Variants in CSMD1 observed in about 807,000 individuals in gnomAD.
CSMD1 encodes CUB and Sushi multiple domains 1, also known as CUB and sushi domain-containing protein 1.
A neutral mutation model predicts 417.5 loss-of-function variants in CSMD1; 213 were observed. The observed-to-expected ratio is 0.51, with a 90% confidence interval of 0.46 to 0.57. CSMD1 has a LOEUF of 0.57. CSMD1 is among the 20% of genes least tolerant of loss of function. The pLI is 0.00. For missense variants in CSMD1, 6,923 were observed against 4,529.7 expected (o/e 1.53, Z -15.17); for synonymous variants, 2,862 against 1,736.8 (o/e 1.65, Z -16.11).
intron 25 of CSMD1, among the ~76,000 whole-genome samples, chr8:3,300,003 G>A (rs1044113462): frequency 6.6e-6 from 1 of 152,126 alleles, no homozygotes; most frequent in Non-Finnish European, 1.5e-5. Context: ...TGCCCTGGAG[G>A]TGACACACGG....
chr8:2,977,314 T>C (rs1446791651), intron 55 of CSMD1, among the ~76,000 whole-genome samples: 1 of 152,158 alleles, frequency 6.6e-6, no homozygotes, highest in Non-Finnish European at 1.5e-5. Flanking sequence ...CCTGTGTCTA[T>C]GTGTTCAGCT....
At chr8:3,829,058 G>A (rs1009816415) in intron 5 of CSMD1, among the ~76,000 whole-genome samples, 1 of 151,722 alleles carries the variant, frequency 6.6e-6, no homozygotes, top group Non-Finnish European at 1.5e-5. Flanking sequence ...AAGTTACTGG[G>A]GTATAGGTGG....
At chr8:3,403,995 T>C (rs1161505886) in intron 15 of CSMD1, among the ~76,000 whole-genome samples, 2 of 152,158 alleles carry the variant, frequency 1.3e-5, no homozygotes, top group Non-Finnish European at 2.9e-5. Flanking sequence ...GTGCTTCTTG[T>C]CCACCCACAA....
At chr8:3,228,342 A>G (rs1798636971) in intron 27 of CSMD1, among the ~76,000 whole-genome samples, 1 of 152,266 alleles carries the variant, frequency 6.6e-6, no homozygotes, top group African/African-American at 2.4e-5. Flanking sequence ...TACAGAGGAC[A>G]TAAACCTCAT....
intron 3 of CSMD1, among the ~76,000 whole-genome samples, chr8:4,163,291 T>A (rs1714739): frequency 1.3e-5 from 2 of 152,028 alleles, no homozygotes. Context: ...GTATGTTTAG[T>A]TTTCTAAGAA....
intron 41 of CSMD1, among the ~76,000 whole-genome samples, chr8:3,122,754 A>C (rs9987130): frequency 0.28 from 40,541 of 145,496 alleles, 7,543 homozygotes; most frequent in African/African-American, 0.61. Context: ...AGCTCCCCCG[A>C]CCCCAGCCAT....
intron 1 of CSMD1, among the ~76,000 whole-genome samples, chr8:4,778,759 A>G (rs1167536996): frequency 2.6e-5 from 4 of 152,198 alleles, no homozygotes; most frequent in East Asian, 1.9e-4. Flanking sequence ...AAGCTCTCAT[A>G]GTGGTTTGTT....
chr8:4,690,297 T>C (rs1806685022), intron 1 of CSMD1, among the ~76,000 whole-genome samples: 1 of 152,196 alleles, frequency 6.6e-6, no homozygotes, highest in South Asian at 2.1e-4. Context: ...CCTAACAGTT[T>C]AGTGACTAAT....
intron 26 of CSMD1, among the ~76,000 whole-genome samples, chr8:3,259,997 G>C (rs1800936136): frequency 6.6e-6 from 1 of 152,138 alleles, no homozygotes; most frequent in South Asian, 2.1e-4. Flanking sequence ...GACCTGCAAA[G>C]CCTAAAATAG....
intron 2 of CSMD1, among the ~76,000 whole-genome samples, chr8:4,502,572 A>G (rs536384487): frequency 6.6e-6 from 1 of 152,228 alleles, no homozygotes; most frequent in Admixed American, 6.5e-5. Context: ...CAGACAAAAA[A>G]CTTGTTTAAC....
chr8:3,693,461 T>TTGA (rs1484449065), intron 7 of CSMD1, among the ~76,000 whole-genome samples: 1 of 151,714 alleles, frequency 6.6e-6, no homozygotes, highest in East Asian at 1.9e-4. Flanking sequence ...ATACGAGGAG[T>TTGA]TGATACTGAA....
At chr8:3,175,163 G>C (rs964755474) in intron 37 of CSMD1, among the ~76,000 whole-genome samples, 1 of 152,064 alleles carries the variant, frequency 6.6e-6, no homozygotes, top group Non-Finnish European at 1.5e-5. Flanking sequence ...AAAATCATTT[G>C]ACTAAAGAAA....
At chr8:3,628,437 G>C (rs916436380) in intron 7 of CSMD1, among the ~76,000 whole-genome samples, 3 of 152,184 alleles carry the variant, frequency 2.0e-5, no homozygotes, top group East Asian at 1.9e-4. Context: ...TCCATTAACC[G>C]TAAGTCATGA....
chr8:4,333,108 T>C (rs1357211290), intron 3 of CSMD1, among the ~76,000 whole-genome samples: 2 of 152,032 alleles, frequency 1.3e-5, no homozygotes, highest in Admixed American at 6.6e-5. Flanking sequence ...TGTTTGAAAA[T>C]TTGAAAATAG....
At chr8:4,778,484 C>T (rs1299716531) in intron 1 of CSMD1, among the ~76,000 whole-genome samples, 1 of 152,122 alleles carries the variant, frequency 6.6e-6, no homozygotes, top group South Asian at 2.1e-4. Flanking sequence ...AGATAATGCA[C>T]AAAAAGCACT....
At chr8:4,931,114 T>C (rs1173657953) in intron 1 of CSMD1, among the ~76,000 whole-genome samples, 2 of 152,238 alleles carry the variant, frequency 1.3e-5, no homozygotes, top group Admixed American at 1.3e-4. Flanking sequence ...CATTTTCCAT[T>C]AGCCTGATAT....
intron 25 of CSMD1, among the ~76,000 whole-genome samples, chr8:3,285,553 T>C (rs28666019): frequency 0.24 from 36,188 of 151,638 alleles, 4,551 homozygotes; most frequent in Admixed American, 0.29. Flanking sequence ...TGTTCAGTTA[T>C]TATTAGTATT....
chr8:3,667,261 T>G (rs1392001023), intron 7 of CSMD1, among the ~76,000 whole-genome samples: 3 of 152,092 alleles, frequency 2.0e-5, no homozygotes, highest in African/African-American at 7.2e-5. Context: ...TATTAATAGG[T>G]TTTATGATAT....
intron 37 of CSMD1, among the ~76,000 whole-genome samples, chr8:3,180,001 A>G (rs761623208): frequency 3.3e-5 from 5 of 152,204 alleles, no homozygotes; most frequent in Non-Finnish European, 5.9e-5. Context: ...ATATGCATGC[A>G]TTTACATCGT....
Sources: allele counts gnomAD v4.1 joint callset (sites outside exome capture counted in the v4.1 genomes callset), GRCh38; gene constraint gnomAD v4.1.1; transcripts MANE v1.5; gene names NCBI Gene and HGNC (gene_info 2026-07-23, HGNC 2026-07-21).